NIPSNAP3A: variants seen among roughly 807,000 people sequenced by gnomAD.
NIPSNAP3A encodes the protein nipsnap homolog 3A.
NIPSNAP3A carries 27 observed loss-of-function variants against 32.3 expected under a neutral mutation model. The ratio of observed to expected loss-of-function variants is 0.84; its 90% CI spans 0.62 to 1.15. The LOEUF is 1.15. Ranked by LOEUF, NIPSNAP3A falls within the 50% of genes most tolerant of loss-of-function variation. NIPSNAP3A has a pLI of 0.00. For missense variants in NIPSNAP3A, 278 were observed against 297.2 expected (o/e 0.94, Z 0.48); for synonymous variants, 108 against 107.3 (o/e 1.01, Z -0.04).
chr9:104,759,591 CTCT>C lies in NIPSNAP3A; in HGVS notation c.*256_*258del, dbSNP rs1827949426. The C allele has an allele frequency of 2.1e-6, 1 of 466,516 alleles. No homozygotes were observed. Among genetic ancestry groups the C allele is most frequent in the Non-Finnish European group, 3.9e-6 (1 of 256,494 alleles). 28.9% of individuals were successfully genotyped at this position (466,516 alleles called of 1,614,324 possible). On this transcript the variant is annotated 3_prime_UTR_variant, in exon 6 of 6. Coordinates refer to ENST00000374767, the MANE Select transcript of NIPSNAP3A (RefSeq NM_015469.3). ...ACTTGTCACTGTTTTAAGATCTTGA[CTCT>C]TCATTTGTTTCAGAATAGCTCTTCT...
chr9:104,747,688 G>C lies in NIPSNAP3A; in HGVS notation c.-105G>C. The C allele has an allele frequency of 8.3e-7, 1 of 1,209,400 alleles. No homozygotes were observed. Among genetic ancestry groups the C allele is most frequent in the Non-Finnish European group, 1.2e-6 (1 of 841,244 alleles). The allele number at this position is 1,209,400 out of a possible 1,614,324, so 74.9% of individuals were successfully genotyped here. A position where few individuals can be genotyped will look rare whatever the true frequency, so the allele number is the denominator to read the frequency against. On this transcript the variant is annotated 5_prime_UTR_variant, in exon 1 of 6. Transcript: ENST00000374767. ...ACCCCGCCGAGCCCCGCCCCAGCCT[G>C]CGTCTGCCAATGATCCAGGAGCCGC...
intron 2 of NIPSNAP3A, among the ~76,000 whole-genome samples, chr9:104,752,532 T>C (rs1052097194): frequency 6.6e-6 from 1 of 152,184 alleles, no homozygotes; most frequent in African/African-American, 2.4e-5. Flanking sequence ...AACCGCTATA[T>C]TCTAAACTCT....
Position 104,759,451 on chromosome 9 carries a change from T to C in NIPSNAP3A, c.*113T>C. The C allele has an allele frequency of 2.0e-6, 2 of 1,006,176 alleles. No individual in the cohort carries two copies. 62.3% of individuals were successfully genotyped at this position (1,006,176 alleles called of 1,614,324 possible). Reference sequence around the variant, plus strand: ...TTATTTGAAGGAGGTGTTAAGTTAATTTGCTATGTTTCTTGCATTATGAAG... The same window carrying C: ...TTATTTGAAGGAGGTGTTAAGTTAACTTGCTATGTTTCTTGCATTATGAAG... On this transcript the variant is annotated 3_prime_UTR_variant, in exon 6 of 6. Transcript: ENST00000374767.
chr9:104,755,656 C>T (rs1211900381), intron 4 of NIPSNAP3A, among the ~76,000 whole-genome samples: 1 of 152,114 alleles, frequency 6.6e-6, no homozygotes, highest in Non-Finnish European at 1.5e-5. Context: ...TGAGGTAGCT[C>T]ATACCTGTAA....
intron 2 of NIPSNAP3A, 78 bp downstream of exon 2, chr9:104,751,244 A>G (rs1368138719): frequency 2.4e-6 from 3 of 1,272,684 alleles, no homozygotes; most frequent in Non-Finnish European, 3.4e-6. Flanking sequence ...TAAATGTAAC[A>G]TAAAACTTAG....
chr9:104,755,241 C>CA (rs145218973), intron 4 of NIPSNAP3A, among the ~76,000 whole-genome samples: 9,729 of 139,370 alleles, frequency 0.07, 892 homozygotes, highest in African/African-American at 0.22. Flanking sequence ...AACTCCATCT[C>CA]AAAAAAAAAA....
rs575039499 is a variant in NIPSNAP3A at position 104,749,833 on chromosome 9, T to C, written c.61-1123T>C. 6.6e-5 allele frequency among the ~76,000 whole-genome samples: 10 copies of C among 152,340 alleles called. No homozygotes were observed. In the East Asian group the frequency reaches 1.7e-3, roughly 26 times the overall value. On this transcript the variant is annotated intron_variant, in intron 1 of 5. Transcript: ENST00000374767. The stretch of plus-strand genomic sequence containing the variant: ...AGGAATTAATGGTTCTTAAGTGATA[T>C]TTTCATCAATGTGGTATAAGTGGAT...
At chr9:104,748,377 C>G (rs992592134) in intron 1 of NIPSNAP3A, among the ~76,000 whole-genome samples, 1 of 152,132 alleles carries the variant, frequency 6.6e-6, no homozygotes, top group Non-Finnish European at 1.5e-5. Context: ...CGCGGAGACC[C>G]TTGAAGAGGA....
intron 3 of NIPSNAP3A, chr9:104,753,565 C>A (rs766481629): frequency 6.5e-6 from 1 of 153,278 alleles, no homozygotes. Context: ...ACTTTTGTGT[C>A]TTCTTTCTTG....
chr9:104,758,536 C>T lies in NIPSNAP3A; in HGVS notation c.581-549C>T, dbSNP rs376137514. 3.5e-4 allele frequency among the ~76,000 whole-genome samples: 54 copies of T among 152,238 alleles called. No individual in the cohort carries two copies. The South Asian group carries it at 8.7e-3, about 25-fold the overall frequency. The stretch of plus-strand genomic sequence containing the variant: ...TTCAGTACTTCCGTTTTCCAGCCTT[C>T]TATTTCTTCATCTATAAAACCAATT... On this transcript the variant is annotated intron_variant, in intron 4 of 5. Coordinates refer to ENST00000374767, the MANE Select transcript of NIPSNAP3A (RefSeq NM_015469.3).
In NIPSNAP3A at chr9:104,747,816, G is replaced by A. The variant is rs371149242; in HGVS notation, c.24G>A (p.Leu8=). The A allele has an allele frequency of 5.0e-6, 8 of 1,609,032 alleles. No individual in the cohort carries two copies. The highest frequency in any genetic ancestry group is 4.4e-5 in the South Asian group (4 of 90,652). The change falls in exon 1 of 6, where the codon CTG becomes CTA. Residue 8 remains leucine, a synonymous_variant. Coordinates refer to ENST00000374767, the MANE Select transcript of NIPSNAP3A (RefSeq NM_015469.3). ...CCATGCTCGTCCTCAGAAGCGCCCT[G>A]ACTCGGGCGCTGGCCTCACGGACGC... MLVLRSA[L]TRALASRTLA... is the part of the protein sequence containing the mutation.
Position 104,755,353 on chromosome 9 carries a change from G to A in NIPSNAP3A, c.580+653G>A, listed in dbSNP as rs978374608. ...TAAAAATAATATTATTTGGGGTAGG[G>A]AGATTATCTCTAAGCAAAAAAGTAA... is the stretch of plus-strand genomic sequence containing the variant. On this transcript the variant is annotated intron_variant, in intron 4 of 5. Transcript: ENST00000374767. 2.7e-5 allele frequency among the ~76,000 whole-genome samples: 4 copies of A among 148,464 alleles called. No individual in the cohort carries two copies. The East Asian group carries it at 8.3e-4, about 31-fold the overall frequency.
At chr9:104,755,952 T>C (rs1295980334) in intron 4 of NIPSNAP3A, among the ~76,000 whole-genome samples, 1 of 151,896 alleles carries the variant, frequency 6.6e-6, no homozygotes, top group Admixed American at 6.6e-5. Flanking sequence ...AAAGGATAAA[T>C]GTCTAAGAAT....
At chr9:104,750,923 T>C in intron 1 of NIPSNAP3A, 33 bp from the exon 2 acceptor site, 2 of 1,512,246 alleles carry the variant, frequency 1.3e-6, no homozygotes, top group South Asian at 2.2e-5. Context: ...TCCTGTCTTC[T>C]CAAGATATTT....
chr9:104,759,610 T>C lies in NIPSNAP3A; in HGVS notation c.*272T>C, dbSNP rs1454067634. ...TCTTGACTCTTCATTTGTTTCAGAA[T>C]AGCTCTTCTACTGTATTCTGACAAC... On this transcript the variant is annotated 3_prime_UTR_variant, in exon 6 of 6. Coordinates refer to ENST00000374767, the MANE Select transcript of NIPSNAP3A (RefSeq NM_015469.3). 3 of 427,824 alleles carry C rather than the reference T, an allele frequency of 7.0e-6. No homozygotes were observed. The highest frequency in any genetic ancestry group is 1.3e-5 in the Non-Finnish European group (3 of 232,528). The allele number at this position is 427,824 out of a possible 1,614,324, so 26.5% of individuals were successfully genotyped here.
rs142709585 is a variant in NIPSNAP3A at position 104,751,176 on chromosome 9, C to T, written c.271+10C>T. ...CATATTTGGAAGTATGGTAAAGAGT[C>T]ATCCAATTTTGGCTTTCAGTATAGA... On this transcript the variant is annotated intron_variant, in intron 2 of 5. Coordinates refer to ENST00000374767, the MANE Select transcript of NIPSNAP3A (RefSeq NM_015469.3). The T allele has an allele frequency of 3.7e-6, 6 of 1,609,756 alleles. No individual in the cohort carries two copies. The African/African-American group carries it at 6.7e-5, about 18-fold the overall frequency.
intron 2 of NIPSNAP3A, among the ~76,000 whole-genome samples, 196 bp downstream of exon 2, chr9:104,751,362 A>G (rs190775568): frequency 9.2e-5 from 14 of 152,300 alleles, no homozygotes; most frequent in African/African-American, 2.9e-4. Context: ...TACACCTCTA[A>G]CCCCTTGCTT....
chr9:104,759,052 T>G, intron 4 of NIPSNAP3A, 33 bp from the exon 5 acceptor site: 2 of 1,594,898 alleles, frequency 1.3e-6, no homozygotes, highest in South Asian at 2.3e-5. Flanking sequence ...AAGGCCATAT[T>G]TTTTAGAAGC....
intron 4 of NIPSNAP3A, among the ~76,000 whole-genome samples, chr9:104,756,263 C>T (rs576181481): frequency 6.7e-4 from 101 of 151,530 alleles, no homozygotes; most frequent in Middle Eastern, 3.4e-3. Context: ...ATTGGTAAAA[C>T]AAAATGTAGA....
Sources: gnomAD v4.1 joint callset for allele counts (sites outside exome capture counted in the v4.1 genomes callset) on GRCh38, gnomAD v4.1.1 for gene constraint, MANE v1.5 for transcripts, NCBI Gene and HGNC (gene_info 2026-07-23, HGNC 2026-07-21) for gene names.